The following RAC1 variants were observed in gnomAD, a reference collection of about 807,000 sequenced individuals.
RAC1 encodes the protein Rac family small GTPase 1, also known as ras-related C3 botulinum toxin substrate 1.
Under a neutral mutation model 25.2 loss-of-function variants are expected in RAC1, and 2 were observed. That is an observed-to-expected ratio of 0.08 (90% CI 0.03 to 0.25). The LOEUF is 0.25. RAC1 is among the 10% of genes least tolerant of loss of function. The probability of loss-of-function intolerance (pLI) is 1.00; values close to 1 mark genes in which losing one functional copy is unlikely to be tolerated. For synonymous variants in RAC1, 88 were observed against 94.0 expected (o/e 0.94, Z 0.37); for missense variants, 50 against 235.7 (o/e 0.21, Z 5.16).
Position 6,403,380 on chromosome 7 carries a change from T to C in RAC1, c.*934T>C, listed in dbSNP as rs1171846233. On this transcript the variant is annotated 3_prime_UTR_variant, in exon 6 of 6. Coordinates refer to ENST00000348035, the MANE Select transcript of RAC1 (RefSeq NM_006908.5). ...TTTAATTCATCTTTAAACTGGTTGT[T>C]CTGTTAGTCGCTAACTTAGTAAGTG... 4.7e-6 allele frequency: 1 copy of C among 212,242 alleles called. No individual in the cohort carries two copies. Among genetic ancestry groups the C allele is most frequent in the Non-Finnish European group, 9.6e-6 (1 of 104,650 alleles). The allele number at this position is 212,242 out of a possible 1,614,324, so 13.1% of individuals were successfully genotyped here.
chr7:6,401,821 A>C, intron 4 of RAC1, 47 bp from the exon 5 acceptor site: 2 of 1,566,670 alleles, frequency 1.3e-6, no homozygotes, highest in Non-Finnish European at 1.7e-6. Flanking sequence ...GGTGAAGGAC[A>C]TCTGTAAAGG....
intron 1 of RAC1, among the ~76,000 whole-genome samples, chr7:6,381,117 C>T (rs1782750962): frequency 6.6e-6 from 1 of 152,154 alleles, no homozygotes. Flanking sequence ...ATCCACCTGC[C>T]TCGGCCTCCC....
At chr7:6,384,767 C>A (rs1472516521) in intron 1 of RAC1, among the ~76,000 whole-genome samples, 3 of 151,652 alleles carry the variant, frequency 2.0e-5, no homozygotes, top group African/African-American at 7.3e-5. Context: ...GGATTACAGG[C>A]CTAAGCCACT....
At position 6,402,213 on chromosome 7, in the gene RAC1, C is replaced by G. The variant is rs984336903; in HGVS notation, c.449-103C>G. The G allele has an allele frequency of 1.5e-5, 22 of 1,497,576 alleles. No homozygotes were observed. In the African/African-American group the frequency reaches 3.1e-4, roughly 21 times the overall value. The allele number at this position is 1,497,576 out of a possible 1,614,324, so 92.8% of individuals were successfully genotyped here. ...TGGAAGGTGGAAGCAGGGCTGGGAG[C>G]CGGCAGAAGGCGCCCGGGCCCCAGG... On this transcript the variant is annotated intron_variant, in intron 5 of 5. Coordinates refer to ENST00000348035, the MANE Select transcript of RAC1 (RefSeq NM_006908.5).
At position 6,402,506 on chromosome 7, in the gene RAC1, A is replaced by AAAAC. The variant is rs1415607359; in HGVS notation, c.*63_*64insCAAA. On this transcript the variant is annotated 3_prime_UTR_variant, in exon 6 of 6. Transcript: ENST00000348035. ...GGAACCTTTGTACGCTTTGCTCAAA[A>AAAAC]AAAAACAAAAAAAAAAAACAAAAAA... 1 of 890,704 alleles carries AAAAC rather than the reference A, an allele frequency of 1.1e-6. No homozygotes were observed. The highest frequency in any genetic ancestry group is 5.9e-5 in the African/African-American group (1 of 17,052). The allele number at this position is 890,704 out of a possible 1,614,324, so 55.2% of individuals were successfully genotyped here.
intron 1 of RAC1, among the ~76,000 whole-genome samples, chr7:6,385,390 A>T (rs1437912736): frequency 6.6e-6 from 1 of 150,550 alleles, no homozygotes; most frequent in African/African-American, 2.5e-5. Flanking sequence ...TTGCAGGTGA[A>T]AAAAAAAGGC....
intron 3 of RAC1, among the ~76,000 whole-genome samples, chr7:6,397,041 A>G (rs959449027): frequency 1.9e-5 from 2 of 104,366 alleles, no homozygotes; most frequent in African/African-American, 7.9e-5. Flanking sequence ...AAAAACAAAA[A>G]AAAAAAAAAA....
At chr7:6,379,211 C>T (rs1291100831) in intron 1 of RAC1, among the ~76,000 whole-genome samples, 2 of 151,288 alleles carry the variant, frequency 1.3e-5, no homozygotes, top group African/African-American at 4.9e-5. Flanking sequence ...AAGTGATTCT[C>T]CTGCGTCAGC....
rs187853103 is a variant in RAC1 at position 6,403,965 on chromosome 7, A to G, written c.*1519A>G. On this transcript the variant is annotated 3_prime_UTR_variant, in exon 6 of 6. Transcript: ENST00000348035. ...GTATGACTTAATAAATCCTTGAATC[A>G]TACGACTGGTAATACTGGTGTTTTT... 16 of 206,472 alleles carry G rather than the reference A, an allele frequency of 7.7e-5. No homozygotes were observed. In the East Asian group the frequency reaches 1.2e-3, roughly 15 times the overall value. 12.8% of individuals were successfully genotyped at this position (206,472 alleles called of 1,614,324 possible). A position where few individuals can be genotyped will look rare whatever the true frequency, so the allele number is the denominator to read the frequency against.
chr7:6,383,756 A>G (rs1189447902), intron 1 of RAC1, among the ~76,000 whole-genome samples: 2 of 89,434 alleles, frequency 2.2e-5, no homozygotes, highest in African/African-American at 7.8e-5. Flanking sequence ...AGTGGCAACT[A>G]TTGTTAAGGT....
chr7:6,392,696 T>C (rs971353584), intron 3 of RAC1, among the ~76,000 whole-genome samples: 1 of 152,230 alleles, frequency 6.6e-6, no homozygotes, highest in African/African-American at 2.4e-5. Flanking sequence ...AAGTTACTTT[T>C]CTTTAAGCAG....
At chr7:6,384,239 C>T (rs1434099121) in intron 1 of RAC1, among the ~76,000 whole-genome samples, 1 of 152,132 alleles carries the variant, frequency 6.6e-6, no homozygotes, top group African/African-American at 2.4e-5. Flanking sequence ...TGTTCACTGT[C>T]CAGTCCCCAT....
At chr7:6,387,450 A>T (rs531223345) in intron 2 of RAC1, among the ~76,000 whole-genome samples, 167 bp downstream of exon 2, 1 of 152,254 alleles carries the variant, frequency 6.6e-6, no homozygotes, top group East Asian at 1.9e-4. Context: ...CTTTTAAAAA[A>T]TAGGGCTGGG....
intron 1 of RAC1, among the ~76,000 whole-genome samples, chr7:6,383,121 T>C (rs1241732084): frequency 6.6e-6 from 1 of 152,180 alleles, no homozygotes; most frequent in South Asian, 2.1e-4. Flanking sequence ...GTTAATTATA[T>C]AAAGTTAGAA....
At chr7:6,374,900 C>CG in intron 1 of RAC1, 130 bp downstream of exon 1, 3 of 762,914 alleles carry the variant, frequency 3.9e-6, no homozygotes, top group Non-Finnish European at 4.8e-6. Context: ...GGGCCTGTGT[C>CG]GCGGGGCGGG....
chr7:6,383,491 T>C (rs1480011667), intron 1 of RAC1, among the ~76,000 whole-genome samples: 1 of 151,306 alleles, frequency 6.6e-6, no homozygotes, highest in African/African-American at 2.4e-5. Context: ...TTGTAACAAA[T>C]AGTGATTGGT....
chr7:6,390,630 A>C (rs1407954783), intron 2 of RAC1, among the ~76,000 whole-genome samples: 4 of 150,082 alleles, frequency 2.7e-5, no homozygotes, highest in Admixed American at 6.6e-5. Context: ...TGATAATACC[A>C]CCTCTCCCTC....
At chr7:6,381,963 A>G (rs34884077) in intron 1 of RAC1, among the ~76,000 whole-genome samples, 26,276 of 151,880 alleles carry the variant, frequency 0.17, 2,678 homozygotes, top group Non-Finnish European at 0.23. Flanking sequence ...CAGTTACTAA[A>G]TTCTACTGCC....
At chr7:6,380,805 T>C (rs1486673821) in intron 1 of RAC1, among the ~76,000 whole-genome samples, 1 of 152,222 alleles carries the variant, frequency 6.6e-6, no homozygotes, top group African/African-American at 2.4e-5. Context: ...TATCATGTCT[T>C]CCTGTTATCA....
Sources: gnomAD v4.1 joint callset for allele counts (sites outside exome capture counted in the v4.1 genomes callset) on GRCh38, gnomAD v4.1.1 for gene constraint, MANE v1.5 for transcripts, NCBI Gene and HGNC (gene_info 2026-07-23, HGNC 2026-07-21) for gene names.